The following STYXL1 variants were observed in gnomAD, a reference collection of about 807,000 sequenced individuals.
STYXL1 encodes serine/threonine/tyrosine interacting like 1, also known as serine/threonine/tyrosine-interacting-like protein 1.
In STYXL1, 32 loss-of-function variants were observed where a neutral mutation model predicts 36.4. The observed-to-expected ratio is 0.88, with a 90% CI of 0.66 to 1.18. The LOEUF is 1.18. STYXL1 is among the 50% of genes most tolerant of loss of function. STYXL1 has a pLI of 0.00. For synonymous variants in STYXL1, 133 were observed against 144.1 expected, an observed-to-expected ratio of 0.92 and a Z score of 0.55; for missense variants, 354 against 394.1, an observed-to-expected ratio of 0.90 and a Z score of 0.86.
At chr7:76,034,253 C>T (rs1017799716) in intron 1 of STYXL1, among the ~76,000 whole-genome samples, 1 of 147,890 alleles carries the variant, frequency 6.8e-6, no homozygotes, top group East Asian at 1.9e-4. Flanking sequence ...CAGGCACATG[C>T]CACCATGGCC....
chr7:76,011,388 T>C (rs1792535438), intron 5 of STYXL1, among the ~76,000 whole-genome samples: 1 of 152,232 alleles, frequency 6.6e-6, no homozygotes. Flanking sequence ...TAAGGACTTG[T>C]ACTTTATAAT....
rs1554563919 is a variant in STYXL1, at chr7:75,996,394, A to G, written c.*74T>C. On this transcript the variant is annotated 3_prime_UTR_variant, in exon 9 of 9. Coordinates refer to ENST00000359697, the MANE Select transcript of STYXL1 (RefSeq NM_001317785.2). ...TCCTTCCAGACAAGCCTGGGTATAC[A>G]CACTCTGGCCCTCCACCCACAAAAT... 2 of 1,612,790 alleles carry G rather than the reference A, an allele frequency of 1.2e-6. No homozygotes were observed. The highest frequency in any genetic ancestry group is 2.2e-5 in the South Asian group (2 of 90,776).
Position 76,027,518 on chromosome 7 carries a change from G to A in STYXL1, c.165+1124C>T, listed in dbSNP as rs1794852429. Among the ~76,000 whole-genome samples, 3 of 151,638 alleles carry A rather than the reference G, an allele frequency of 2.0e-5. No homozygotes were observed. In the South Asian group the frequency reaches 6.2e-4, roughly 31 times the overall value. Reference sequence around the variant, plus strand: ...ACAAGTCTGCAGTCCCAGCTACTCAGGAGGCTGAGATAGGAGGGTTGATTG... The same window carrying A: ...ACAAGTCTGCAGTCCCAGCTACTCAAGAGGCTGAGATAGGAGGGTTGATTG... On this transcript the variant is annotated intron_variant, in intron 3 of 8. Transcript: ENST00000359697.
At chr7:75,996,977 G>C (rs1406982942) in intron 8 of STYXL1, among the ~76,000 whole-genome samples, 1 of 152,200 alleles carries the variant, frequency 6.6e-6, no homozygotes, top group Admixed American at 6.5e-5. Flanking sequence ...AGAGAACTGT[G>C]GGCAAATTCT....
chr7:76,006,943 T>C (rs1791850297), intron 5 of STYXL1, among the ~76,000 whole-genome samples: 1 of 152,186 alleles, frequency 6.6e-6, no homozygotes, highest in Admixed American at 6.6e-5. Context: ...AATCTGTGTG[T>C]TCCACATCCA....
In STYXL1 at chr7:76,009,550, A is replaced by T. The variant is rs575030314; in HGVS notation, c.454-4146T>A. ...CTCAGCCTCCTGAGTAACTGGGATT[A>T]CAGGCATGTGCCACCACACCCAGCT... On this transcript the variant is annotated intron_variant, in intron 5 of 8. Coordinates refer to ENST00000359697, the MANE Select transcript of STYXL1 (RefSeq NM_001317785.2). 7.9e-5 allele frequency among the ~76,000 whole-genome samples: 12 copies of T among 152,260 alleles called. No homozygotes were observed. The South Asian group carries it at 2.1e-3, about 26-fold the overall frequency.
At chr7:76,002,783 A>C (rs3779423) in intron 7 of STYXL1, among the ~76,000 whole-genome samples, 1 of 151,992 alleles carries the variant, frequency 6.6e-6, no homozygotes. Flanking sequence ...AATTAGTTGG[A>C]CGTGGTGGTG....
intron 1 of STYXL1, among the ~76,000 whole-genome samples, chr7:76,040,843 AAAAAG>A (rs2116486839): frequency 6.6e-6 from 1 of 152,148 alleles, no homozygotes; most frequent in East Asian, 1.9e-4. Flanking sequence ...AGAAAAAAGA[AAAAAG>A]AAAAGAAAAT....
chr7:75,999,921 T>C (rs1038127607), intron 8 of STYXL1, among the ~76,000 whole-genome samples: 1 of 152,008 alleles, frequency 6.6e-6, no homozygotes, highest in Non-Finnish European at 1.5e-5. Context: ...AGGCTTACTA[T>C]GTCCTCGCTG....
intron 4 of STYXL1, among the ~76,000 whole-genome samples, chr7:76,018,194 A>G (rs1337066014): frequency 8.6e-5 from 13 of 151,860 alleles, no homozygotes; most frequent in African/African-American, 3.1e-4. Context: ...CATCACCCCT[A>G]CAAGGGACCC....
In STYXL1 at chr7:76,004,157, G is replaced by A. The variant is rs529143118; in HGVS notation, c.600-302C>T. The stretch of plus-strand genomic sequence containing the variant: ...TGCCCAGGCTGGAGTGCAGTGGCAC[G>A]ATCTCGGCTCACTGCAACCTCTACC... On this transcript the variant is annotated intron_variant, in intron 6 of 8. Transcript: ENST00000359697. 3.3e-5 allele frequency among the ~76,000 whole-genome samples: 5 copies of A among 152,140 alleles called. No homozygotes were observed. The South Asian group carries it at 6.2e-4, about 19-fold the overall frequency.
intron 1 of STYXL1, chr7:76,045,686 G>C (rs910645471): frequency 3.9e-5 from 6 of 152,184 alleles, no homozygotes; most frequent in African/African-American, 1.4e-4. Context: ...ACAGCGTGAG[G>C]CTCCATCTCA....
In STYXL1 at chr7:76,000,928, T is replaced by C. The variant is rs1554566919; in HGVS notation, c.772A>G (p.Ile258Val). The change falls in exon 8 of 9, where the codon ATA (isoleucine) becomes GTA (valine). Residue 258 changes from isoleucine (I) to valine (V), a missense_variant. Transcript: ENST00000359697. ...TCGTTACTATGCATGAGGTAGGCTA[T>C]GATGGCGGCACAACTGCGGCTGATA... ...QGISRSCAAI[I>V]AYLMHSNEQT... 2.5e-6 allele frequency: 4 copies of C among 1,614,184 alleles called. No homozygotes were observed. The highest frequency in any genetic ancestry group is 1.7e-6 in the Non-Finnish European group (2 of 1,179,992).
In STYXL1 at chr7:76,002,919, G is replaced by A. The variant is rs150311421; in HGVS notation, c.697+839C>T. Among the ~76,000 whole-genome samples the A allele has an allele frequency of 3.6e-3, 547 of 152,166 alleles. 4 individuals carry two copies. Among genetic ancestry groups the A allele is most frequent in the African/African-American group, 0.012 (489 of 41,522 alleles). ...AGCCTGGGTGAACAAGCCAGACCCC[G>A]TCTCGAAAAATAAAATTTAAAATAA... On this transcript the variant is annotated intron_variant, in intron 7 of 8. Coordinates refer to ENST00000359697, the MANE Select transcript of STYXL1 (RefSeq NM_001317785.2).
intron 1 of STYXL1, among the ~76,000 whole-genome samples, chr7:76,031,200 G>A (rs1585307714): frequency 6.7e-6 from 1 of 149,522 alleles, no homozygotes; most frequent in African/African-American, 2.5e-5. Context: ...GCATGGTGGT[G>A]CACACCTGTA....
rs71082373 is a variant in STYXL1, at chr7:76,001,792, ATTTTTTT to A, written c.698-797_698-791del. Among the ~76,000 whole-genome samples the A allele has an allele frequency of 9.0e-3, 872 of 96,930 alleles. 9 individuals carry two copies. The highest frequency in any genetic ancestry group is 0.032 in the African/African-American group (745 of 23,632). 63.6% of individuals were successfully genotyped at this position (96,930 alleles called of 152,430 possible). A position where few individuals can be genotyped will look rare whatever the true frequency, so the allele number is the denominator to read the frequency against. On this transcript the variant is annotated intron_variant, in intron 7 of 8. Coordinates refer to ENST00000359697, the MANE Select transcript of STYXL1 (RefSeq NM_001317785.2). ...TTATAGGCATGAGCCACTGCGCCTG[ATTTTTTT>A]TTTTTTTTTTTTTTTTTCAATATAG...
At chr7:76,043,000 G>C (rs1398051615) in intron 1 of STYXL1, among the ~76,000 whole-genome samples, 1 of 152,228 alleles carries the variant, frequency 6.6e-6, no homozygotes, top group African/African-American at 2.4e-5. Context: ...GGCAAAGCAA[G>C]AAGAGGTAGC....
intron 5 of STYXL1, 83 bp downstream of exon 5, chr7:76,013,657 GTT>G (rs1792886460): frequency 1.8e-5 from 29 of 1,581,124 alleles, no homozygotes; most frequent in Non-Finnish European, 2.5e-5. Flanking sequence ...CCATCCTCCT[GTT>G]TCTCCCACTC....
At chr7:76,019,366 A>G (rs543092008) in intron 4 of STYXL1, among the ~76,000 whole-genome samples, 1 of 151,194 alleles carries the variant, frequency 6.6e-6, no homozygotes, top group Admixed American at 6.6e-5. Context: ...GTACAGTCAT[A>G]GCTCACTGCA....
Sources: gnomAD v4.1 joint callset for allele counts (sites outside exome capture counted in the v4.1 genomes callset) on GRCh38, gnomAD v4.1.1 for gene constraint, MANE v1.5 for transcripts, NCBI Gene and HGNC (gene_info 2026-07-23, HGNC 2026-07-21) for gene names.